EMP2: variants seen among roughly 807,000 people sequenced by gnomAD.
EMP2 encodes the protein epithelial membrane protein 2.
In EMP2, 19 loss-of-function variants were observed where a neutral mutation model predicts 13.7. That is an observed-to-expected ratio of 1.38 (90% CI 0.97 to 2.03). The LOEUF is 2.03. EMP2 is among the 30% of genes most tolerant of loss of function. EMP2 has a pLI of 0.00. For missense variants in EMP2, 253 were observed against 220.7 expected (o/e 1.15, Z -0.93); for synonymous variants, 97 against 84.7 (o/e 1.15, Z -0.80).
In EMP2 at chr16:10,569,013, C is replaced by T. The variant is rs536540066; in HGVS notation, c.-61+11536G>A. On this transcript the variant is annotated intron_variant, in intron 1 of 4. Coordinates refer to ENST00000359543, the MANE Select transcript of EMP2 (RefSeq NM_001424.6). Reference sequence around the variant, plus strand: ...ATGTTGGCCAGGCTGGTCTAGAACTCCTGACCTCAGGTGATCCACCCACCT... The same window carrying T: ...ATGTTGGCCAGGCTGGTCTAGAACTTCTGACCTCAGGTGATCCACCCACCT... Among the ~76,000 whole-genome samples the T allele has an allele frequency of 6.6e-5, 10 of 152,212 alleles. No individual in the cohort carries two copies. In the South Asian group the frequency reaches 1.9e-3, roughly 28 times the overall value.
chr16:10,550,509 G>A (rs1459881799), intron 1 of EMP2, among the ~76,000 whole-genome samples: 3 of 152,022 alleles, frequency 2.0e-5, no homozygotes, highest in Admixed American at 2.0e-4. Context: ...CTGATGATTC[G>A]ATCCAGATTA....
intron 1 of EMP2, chr16:10,576,460 G>A (rs904426336): frequency 6.6e-6 from 1 of 151,902 alleles, no homozygotes; most frequent in Non-Finnish European, 1.5e-5. Context: ...GACTATGAGC[G>A]GTCTGCACTG....
At chr16:10,561,439 G>C (rs979086503) in intron 1 of EMP2, among the ~76,000 whole-genome samples, 3 of 152,144 alleles carry the variant, frequency 2.0e-5, no homozygotes, top group Non-Finnish European at 4.4e-5. Flanking sequence ...CATTAAGGGA[G>C]AAGAAAGGAT....
In EMP2 at chr16:10,530,970, A is replaced by T. The variant is rs1284016576; in HGVS notation, c.*1935T>A. ...CCTCCCTACCATGCCACAGGCCTCGATTTTGAATCGTTTTATTTTTGAGAC... is the reference window on the plus strand; with the variant it reads ...CCTCCCTACCATGCCACAGGCCTCGTTTTTGAATCGTTTTATTTTTGAGAC... On this transcript the variant is annotated 3_prime_UTR_variant, in exon 5 of 5. Transcript: ENST00000359543. 1 of 152,124 alleles carries T rather than the reference A, an allele frequency of 6.6e-6. No homozygotes were observed. Among genetic ancestry groups the T allele is most frequent in the African/African-American group, 2.4e-5 (1 of 41,424 alleles). 9.4% of individuals were successfully genotyped at this position (152,124 alleles called of 1,614,324 possible).
chr16:10,576,444 T>C (rs895653448), intron 1 of EMP2: 1 of 152,106 alleles, frequency 6.6e-6, no homozygotes, highest in African/African-American at 2.4e-5. Flanking sequence ...ACTTGCTTGA[T>C]CTTAAGACTA....
chr16:10,563,570 C>T (rs936683896), intron 1 of EMP2, among the ~76,000 whole-genome samples: 2 of 152,216 alleles, frequency 1.3e-5, no homozygotes, highest in Admixed American at 1.3e-4. Context: ...GACTGTACAT[C>T]ACTGTCGACA....
intron 3 of EMP2, among the ~76,000 whole-genome samples, chr16:10,541,611 G>C (rs2050699402): frequency 6.6e-6 from 1 of 152,200 alleles, no homozygotes; most frequent in African/African-American, 2.4e-5. Context: ...TTGCACACTG[G>C]CGACAGCTGG....
intron 1 of EMP2, among the ~76,000 whole-genome samples, chr16:10,577,829 C>G (rs2050994228): frequency 6.6e-6 from 1 of 152,084 alleles, no homozygotes. Flanking sequence ...ACGTCACCGC[C>G]TCCCCTCTGG....
intron 1 of EMP2, among the ~76,000 whole-genome samples, chr16:10,562,779 G>A (rs13332785): frequency 0.054 from 8,202 of 152,202 alleles, 736 homozygotes; most frequent in African/African-American, 0.19. Context: ...AGTGCCCAAG[G>A]TTGCTCAGCA....
chr16:10,565,717 G>A (rs944107757), intron 1 of EMP2, among the ~76,000 whole-genome samples: 2 of 152,196 alleles, frequency 1.3e-5, no homozygotes, highest in African/African-American at 4.8e-5. Context: ...CCAACAGGAA[G>A]TGGTATCACC....
intron 1 of EMP2, among the ~76,000 whole-genome samples, chr16:10,550,111 C>T (rs1023687317): frequency 6.6e-5 from 10 of 152,072 alleles, no homozygotes; most frequent in Admixed American, 1.3e-4. Context: ...GTCTCGAACT[C>T]CTGACCTCAG....
chr16:10,570,364 G>A (rs1042845616), intron 1 of EMP2, among the ~76,000 whole-genome samples: 28 of 151,846 alleles, frequency 1.8e-4, no homozygotes, highest in East Asian at 3.9e-4. Context: ...TACCTAGGAC[G>A]ACAGGTGCAC....
In EMP2 at chr16:10,538,025, A is replaced by G. The variant is rs775265546; in HGVS notation, c.219T>C (p.Ile73=). 85 of 1,613,920 alleles carry G rather than the reference A, an allele frequency of 5.3e-5. No individual in the cohort carries two copies. Among genetic ancestry groups the G allele is most frequent in the Non-Finnish European group, 7.1e-5 (84 of 1,179,990 alleles). ...AGATGAAGAAGGCGATGCAGCAGAG[A>G]ATGGTGGAGAGGATCATGGTGGCCT... ...AVQATMILST[I]LCCIAFFIFV... The change falls in exon 4 of 5, where the codon ATT becomes ATC. Residue 73 remains isoleucine, a synonymous_variant. Transcript: ENST00000359543.
At chr16:10,547,358 T>C (rs944420802) in intron 2 of EMP2, 182 bp downstream of exon 2, 124 of 631,114 alleles carry the variant, frequency 2.0e-4, no homozygotes, top group Non-Finnish European at 3.0e-4. Context: ...TTGCTCCTCC[T>C]TTGCCTTCTG....
chr16:10,573,379 G>C (rs12921306), intron 1 of EMP2, among the ~76,000 whole-genome samples: 44,661 of 152,046 alleles, frequency 0.29, 7,787 homozygotes, highest in Non-Finnish European at 0.39. Context: ...ACAGCATCCA[G>C]ACTGGAAACA....
chr16:10,540,086 A>G (rs910032118), intron 3 of EMP2, among the ~76,000 whole-genome samples: 5 of 152,210 alleles, frequency 3.3e-5, no homozygotes, highest in African/African-American at 9.7e-5. Flanking sequence ...GGGTTTCTCA[A>G]AGCTGGGAGG....
At chr16:10,574,565 A>T (rs1466092638) in intron 1 of EMP2, among the ~76,000 whole-genome samples, 3 of 145,642 alleles carry the variant, frequency 2.1e-5, no homozygotes, top group East Asian at 2.0e-4. Flanking sequence ...AAAATTATAC[A>T]TTTTTTTTTT....
intron 1 of EMP2, among the ~76,000 whole-genome samples, chr16:10,563,802 C>T (rs952028977): frequency 6.6e-6 from 1 of 152,216 alleles, no homozygotes; most frequent in Non-Finnish European, 1.5e-5. Flanking sequence ...ACATTGGTAT[C>T]CCTACCCCTT....
rs116553713 is a variant in EMP2 at position 10,534,493 on chromosome 16, C to T, written c.317-1401G>A. 2.6e-3 allele frequency among the ~76,000 whole-genome samples: 390 copies of T among 152,242 alleles called. 2 individuals carry two copies. The highest frequency in any genetic ancestry group is 9.0e-3 in the African/African-American group (375 of 41,538). ...AGTACTTGTGGTCCTTGGCTGGGTGCGTTGGATCATGCCTGTAATCCCACC... is the reference window on the plus strand; with the variant it reads ...AGTACTTGTGGTCCTTGGCTGGGTGTGTTGGATCATGCCTGTAATCCCACC... On this transcript the variant is annotated intron_variant, in intron 4 of 4. Transcript: ENST00000359543.
Sources: allele counts gnomAD v4.1 joint callset (sites outside exome capture counted in the v4.1 genomes callset), GRCh38; gene constraint gnomAD v4.1.1; transcripts MANE v1.5; gene names NCBI Gene and HGNC (gene_info 2026-07-23, HGNC 2026-07-21).